The following RASGRF2 variants were observed in gnomAD, a reference collection of about 807,000 sequenced individuals.
RASGRF2 encodes the protein Ras protein specific guanine nucleotide releasing factor 2, also known as ras-specific guanine nucleotide-releasing factor 2.
Under a neutral mutation model 151.0 loss-of-function variants are expected in RASGRF2, and 76 were observed. That is an observed-to-expected ratio of 0.50 (90% CI 0.42 to 0.61). The LOEUF is 0.61. RASGRF2 is among the 20% of genes least tolerant of loss of function. The probability of loss-of-function intolerance (pLI) is 0.00; values close to 1 mark genes in which losing one functional copy is unlikely to be tolerated. For missense variants in RASGRF2, 1,148 were observed against 1,564.6 expected, an observed-to-expected ratio of 0.73 and a Z score of 4.49; for synonymous variants, 504 against 566.5, an observed-to-expected ratio of 0.89 and a Z score of 1.57.
intron 1 of RASGRF2, among the ~76,000 whole-genome samples, chr5:81,001,252 G>T (rs1307529935): frequency 6.6e-6 from 1 of 152,070 alleles, no homozygotes; most frequent in Non-Finnish European, 1.5e-5. Context: ...TGATTAGATG[G>T]GTCTTCTCTA....
At chr5:81,134,079 CGTGTGTGT>C (rs139770057) in intron 17 of RASGRF2, among the ~76,000 whole-genome samples, 1 of 143,814 alleles carries the variant, frequency 7.0e-6, no homozygotes, top group Non-Finnish European at 1.5e-5. Context: ...TGCTTGTGTG[CGTGTGTGT>C]GTGTGTGTGT....
At chr5:81,198,879 T>G (rs1312973544) in intron 18 of RASGRF2, among the ~76,000 whole-genome samples, 1 of 152,284 alleles carries the variant, frequency 6.6e-6, no homozygotes. Flanking sequence ...AACATGCAAG[T>G]ATATGTCTCT....
At chr5:80,999,550 G>A (rs1749012299) in intron 1 of RASGRF2, among the ~76,000 whole-genome samples, 1 of 151,966 alleles carries the variant, frequency 6.6e-6, no homozygotes, top group South Asian at 2.1e-4. Context: ...GTAGAGATGG[G>A]GTTTTGCTGT....
At chr5:81,197,543 A>G (rs1271645415) in intron 18 of RASGRF2, among the ~76,000 whole-genome samples, 1 of 152,146 alleles carries the variant, frequency 6.6e-6, no homozygotes, top group African/African-American at 2.4e-5. Context: ...AGGTACAAAA[A>G]TACTAAATTC....
At chr5:81,013,399 A>C (rs2112319864) in intron 1 of RASGRF2, among the ~76,000 whole-genome samples, 1 of 152,206 alleles carries the variant, frequency 6.6e-6, no homozygotes, top group Admixed American at 6.5e-5. Flanking sequence ...TTCTGTCCTC[A>C]GTTATTCCTC....
intron 1 of RASGRF2, 115 bp from the exon 2 acceptor site, chr5:81,042,762 G>T (rs6453538): frequency 0.16 from 106,503 of 686,530 alleles, 9,841 homozygotes; most frequent in East Asian, 0.36. Flanking sequence ...AATAAAATTT[G>T]CATAAGCACT....
At chr5:81,217,953 A>G (rs1340559325) in intron 25 of RASGRF2, among the ~76,000 whole-genome samples, 1 of 152,156 alleles carries the variant, frequency 6.6e-6, no homozygotes, top group East Asian at 1.9e-4. Context: ...TGTGTTAGCT[A>G]GGATGGTCTG....
At chr5:81,093,053 A>G (rs920238701) in intron 10 of RASGRF2, 92 bp downstream of exon 10, 1 of 1,306,152 alleles carries the variant, frequency 7.7e-7, no homozygotes. Flanking sequence ...GCTTGGTATT[A>G]TCATAAAACA....
intron 12 of RASGRF2, among the ~76,000 whole-genome samples, chr5:81,102,398 T>C (rs545559562): frequency 2.0e-5 from 3 of 152,168 alleles, no homozygotes; most frequent in Non-Finnish European, 4.4e-5. Context: ...AAATCTTCTT[T>C]TTAAAAATGA....
chr5:81,156,163 C>T (rs1484445629), intron 17 of RASGRF2, among the ~76,000 whole-genome samples: 1 of 151,906 alleles, frequency 6.6e-6, no homozygotes, highest in East Asian at 1.9e-4. Context: ...CTGAACAGAG[C>T]TATAATAAAG....
Position 81,183,240 on chromosome 5 carries a change from G to C in RASGRF2, c.2793+2959G>C, listed in dbSNP as rs557044959. ...GTAGATCCACATCAATCAAGATGTA[G>C]ATTTACCCACAGATCTAGAGAATCA... is the stretch of plus-strand genomic sequence containing the variant. On this transcript the variant is annotated intron_variant, in intron 18 of 26. Transcript: ENST00000265080. 44 of 980,498 alleles carry C rather than the reference G, an allele frequency of 4.5e-5. No individual in the cohort carries two copies. In the South Asian group the frequency reaches 1.8e-3, roughly 40 times the overall value. 60.7% of individuals were successfully genotyped at this position (980,498 alleles called of 1,614,324 possible).
At chr5:81,022,456 G>A (rs978147360) in intron 1 of RASGRF2, among the ~76,000 whole-genome samples, 5 of 152,182 alleles carry the variant, frequency 3.3e-5, no homozygotes, top group African/African-American at 9.6e-5. Flanking sequence ...TTGTCATGAG[G>A]CTTGGGGTGG....
rs1241783360 is a variant in RASGRF2 at position 81,216,363 on chromosome 5, A to G, written c.3434+408A>G. Among the ~76,000 whole-genome samples the G allele has an allele frequency of 5.2e-5, 5 of 96,076 alleles. No individual in the cohort carries two copies. In the South Asian group the frequency reaches 9.5e-4, roughly 18 times the overall value. The allele number at this position is 96,076 out of a possible 152,430, so 63.0% of individuals were successfully genotyped here. On this transcript the variant is annotated intron_variant, in intron 24 of 26. Coordinates refer to ENST00000265080, the MANE Select transcript of RASGRF2 (RefSeq NM_006909.3). ...ATTCCCTTTCTACACACACACACAC[A>G]CACACGCACACACACACACACAAAC...
chr5:81,201,188 G>C (rs1254663776), intron 18 of RASGRF2, 142 bp from the exon 19 acceptor site: 1 of 1,315,044 alleles, frequency 7.6e-7, no homozygotes, highest in Non-Finnish European at 1.0e-6. Context: ...CGGGACCCTA[G>C]GTGTGGCAGG....
chr5:81,207,255 A>C lies in RASGRF2; in HGVS notation c.2977A>C (p.Met993Leu). 1 of 1,614,136 alleles carries C rather than the reference A, an allele frequency of 6.2e-7. No individual in the cohort carries two copies. Among genetic ancestry groups the C allele is most frequent in the Non-Finnish European group, 8.5e-7 (1 of 1,180,010 alleles). The change falls in exon 21 of 27, where the codon ATG (methionine) becomes CTG (leucine). Residue 993 changes from methionine to leucine, a missense_variant. Met to Leu is a conservative substitution (Grantham distance 15, BLOSUM62 2). This residue lies in a region of RASGRF2 where 646 missense variants were observed against 807.4 expected (regional missense o/e 0.80). Coordinates refer to ENST00000265080, the MANE Select transcript of RASGRF2 (RefSeq NM_006909.3). Reference sequence around the variant, plus strand: ...CCCTCATCTCTTGCAGACTGACTGCATGAAGGCCGAATGCTTTGAGTCCTT... The same window carrying C: ...CCCTCATCTCTTGCAGACTGACTGCCTGAAGGCCGAATGCTTTGAGTCCTT... ...LEDIIQMTDC[M>L]KAECFESLSA...
intron 1 of RASGRF2, among the ~76,000 whole-genome samples, chr5:81,040,724 A>G (rs1750652564): frequency 6.6e-6 from 1 of 152,110 alleles, no homozygotes; most frequent in Non-Finnish European, 1.5e-5. Flanking sequence ...TCTACACCTG[A>G]GGATTCCTTT....
chr5:81,024,416 C>T (rs55766794), intron 1 of RASGRF2, among the ~76,000 whole-genome samples: 19,884 of 151,376 alleles, frequency 0.13, 1,467 homozygotes, highest in South Asian at 0.19. Flanking sequence ...CCCACCACCA[C>T]GCCAGGCTAA....
At chr5:81,222,116 G>C (rs1755869228) in intron 26 of RASGRF2, among the ~76,000 whole-genome samples, 1 of 152,128 alleles carries the variant, frequency 6.6e-6, no homozygotes, top group African/African-American at 2.4e-5. Flanking sequence ...CCAAGATATG[G>C]GCTTTAGATA....
intron 7 of RASGRF2, among the ~76,000 whole-genome samples, chr5:81,084,608 A>G (rs1023749688): frequency 2.0e-5 from 3 of 152,168 alleles, no homozygotes; most frequent in African/African-American, 7.2e-5. Flanking sequence ...GGCTGTGTCT[A>G]TGCATAGTGT....
Sources: gnomAD v4.1 joint callset for allele counts (sites outside exome capture counted in the v4.1 genomes callset) on GRCh38, gnomAD v4.1.1 for gene constraint, gnomAD v4.1.1 regional missense constraint, MANE v1.5 for transcripts, NCBI Gene and HGNC (gene_info 2026-07-23, HGNC 2026-07-21) for gene names.